Variants in KLF7 observed in about 807,000 individuals in gnomAD.
KLF7 encodes the protein Krueppel-like factor 7.
A neutral mutation model predicts 27.3 loss-of-function variants in KLF7; 2 were observed. The observed-to-expected ratio is 0.07, with a 90% CI of 0.03 to 0.23. The LOEUF (loss-of-function observed/expected upper bound fraction) is 0.23. Among genes scored for constraint, KLF7 ranks in the 10% least tolerant of loss-of-function variants. The pLI, the probability that KLF7 is intolerant of heterozygous loss-of-function variation, is 1.00. For missense variants in KLF7, 221 were observed against 394.1 expected (o/e 0.56, Z 3.72); for synonymous variants, 165 against 162.4 (o/e 1.02, Z -0.12).
chr2:207,172,262 G>A (rs10172302), upstream of KLF7, among the ~76,000 whole-genome samples: 89,019 of 151,950 alleles, frequency 0.59, 27,604 homozygotes, highest in East Asian at 0.87. Flanking sequence ...CCCCTCCCTA[G>A]AGGCCAAAGA....
intron 1 of KLF7, among the ~76,000 whole-genome samples, chr2:207,139,077 C>T (rs1350521970): frequency 6.6e-6 from 1 of 152,168 alleles, no homozygotes; most frequent in Non-Finnish European, 1.5e-5. Context: ...CTTTTGAAAG[C>T]ACGCCCTGAG....
Position 207,074,301 on chromosome 2 carries a change from A to C in KLF7, c.*6912T>G, listed in dbSNP as rs899333879. ...ATGTGTTTTACTGCTGTTTCCTGTG[A>C]ATGACACCACTTCTCTCGGGGAATC... On this transcript the variant is annotated 3_prime_UTR_variant, in exon 4 of 4. Coordinates refer to ENST00000309446, the MANE Select transcript of KLF7 (RefSeq NM_003709.4). The C allele has an allele frequency of 1.3e-5, 2 of 152,038 alleles. No individual in the cohort carries two copies. Among genetic ancestry groups the C allele is most frequent in the Non-Finnish European group, 2.9e-5 (2 of 68,046 alleles). 9.4% of individuals were successfully genotyped at this position (152,038 alleles called of 1,614,324 possible).
Position 207,097,206 on chromosome 2 carries a change from G to A in KLF7, c.734-8625C>T, listed in dbSNP as rs563441678. 3.1e-3 allele frequency among the ~76,000 whole-genome samples: 477 copies of A among 152,064 alleles called. 1 individual carries two copies. The highest frequency in any genetic ancestry group is 0.011 in the African/African-American group (460 of 41,482). On this transcript the variant is annotated intron_variant, in intron 2 of 3. Transcript: ENST00000309446. ...ATAATAGCAATGTGGCCTTGTAAAG[G>A]TATTTAATAACTTCTTTGGGGACTT...
intron 1 of KLF7, among the ~76,000 whole-genome samples, chr2:207,161,943 A>AT: frequency 6.6e-6 from 1 of 152,274 alleles, no homozygotes; most frequent in Admixed American, 6.5e-5. Flanking sequence ...CAGCATTAAC[A>AT]ACAAACATAA....
In KLF7 at chr2:207,148,327, A is replaced by G. The variant is rs2106093912; in HGVS notation, c.102+17140T>C. Among the ~76,000 whole-genome samples the G allele has an allele frequency of 3.3e-5, 5 of 152,318 alleles. No individual in the cohort carries two copies. The Middle Eastern group carries it at 0.01, about 311-fold the overall frequency. On this transcript the variant is annotated intron_variant, in intron 1 of 3. Transcript: ENST00000309446. ...CACTTACTCATGGAAGTCTGGGGCC[A>G]GGGCAAATGGAAGCTGTGAGCTTCA...
chr2:207,134,265 A>G, intron 1 of KLF7: 1 of 663,102 alleles, frequency 1.5e-6, no homozygotes, highest in Non-Finnish European at 2.5e-6. Flanking sequence ...CTACCCCCAT[A>G]AAAAACACAC....
intron 2 of KLF7, among the ~76,000 whole-genome samples, chr2:207,122,394 C>A (rs76521465): frequency 9.7e-4 from 147 of 152,244 alleles, no homozygotes; most frequent in African/African-American, 3.5e-3. Flanking sequence ...AGTCTTCATC[C>A]TCCCATGGGA....
chr2:207,120,865 C>A (rs1370988563), intron 2 of KLF7: 1 of 152,226 alleles, frequency 6.6e-6, no homozygotes, highest in Non-Finnish European at 1.5e-5. Context: ...ATCTACACCA[C>A]ATAAATTATC....
In KLF7 at chr2:207,077,241, T is replaced by C. The variant is rs190421525; in HGVS notation, c.*3972A>G. 6 of 152,356 alleles carry C rather than the reference T, an allele frequency of 3.9e-5. No homozygotes were observed. In the East Asian group the frequency reaches 9.6e-4, roughly 25 times the overall value. The allele number at this position is 152,356 out of a possible 1,614,324, so 9.4% of individuals were successfully genotyped here. A position where few individuals can be genotyped will look rare whatever the true frequency, so the allele number is the denominator to read the frequency against. ...GCAGGAATAAAGGCAAGAGGCAATG[T>C]TCCGAATGCACTGGAAGAGCCATCC... On this transcript the variant is annotated 3_prime_UTR_variant, in exon 4 of 4. Transcript: ENST00000309446.
chr2:207,099,916 G>A (rs753739453), intron 2 of KLF7, among the ~76,000 whole-genome samples: 76 of 152,232 alleles, frequency 5.0e-4, no homozygotes, highest in Non-Finnish European at 1.0e-3. Flanking sequence ...GATCACCTGA[G>A]CCCAGGAGTT....
rs150858032 is a variant in KLF7, at chr2:207,096,976, G to T, written c.734-8395C>A. Among the ~76,000 whole-genome samples the T allele has an allele frequency of 4.9e-3, 752 of 152,242 alleles. 11 individuals are homozygous for T. Among genetic ancestry groups the T allele is most frequent in the African/African-American group, 0.017 (699 of 41,546 alleles). On this transcript the variant is annotated intron_variant, in intron 2 of 3. Coordinates refer to ENST00000309446, the MANE Select transcript of KLF7 (RefSeq NM_003709.4). ...CCCTAAAGGGCTTGTTTAAAACACA[G>T]GTTAGTGAACCCCACCCTGAGAAGT... is the stretch of plus-strand genomic sequence containing the variant.
chr2:207,166,177 G>C (rs1240386778), upstream of KLF7: 4 of 986,106 alleles, frequency 4.1e-6, no homozygotes, highest in African/African-American at 7.0e-5. Context: ...GCGTCCATTA[G>C]GCCGCGTGTG....
rs960045697 is a variant in KLF7, at chr2:207,075,662, G to A, written c.*5551C>T. 6.6e-6 allele frequency: 1 copy of A among 152,110 alleles called. No individual in the cohort carries two copies. Among genetic ancestry groups the A allele is most frequent in the African/African-American group, 2.4e-5 (1 of 41,420 alleles). The allele number at this position is 152,110 out of a possible 1,614,324, so 9.4% of individuals were successfully genotyped here. On this transcript the variant is annotated 3_prime_UTR_variant, in exon 4 of 4. Coordinates refer to ENST00000309446, the MANE Select transcript of KLF7 (RefSeq NM_003709.4). The stretch of plus-strand genomic sequence containing the variant: ...TGTGTGGGAGTAGGAAGTGGGAGAA[G>A]GAGCTTGACGCGGGGGCGGGTGGGG...
At chr2:207,086,051 TA>T (rs58293149) in intron 3 of KLF7, among the ~76,000 whole-genome samples, 25,243 of 144,338 alleles carry the variant, frequency 0.17, 2,794 homozygotes, top group African/African-American at 0.32. Context: ...ATAGGCAAAA[TA>T]AAAGCATACG....
At chr2:207,143,138 C>A in intron 1 of KLF7, among the ~76,000 whole-genome samples, 1 of 151,682 alleles carries the variant, frequency 6.6e-6, no homozygotes, top group East Asian at 1.9e-4. Flanking sequence ...AGGACAAAAC[C>A]CAAAAAGATG....
At chr2:207,128,315 T>C (rs764497100) in intron 1 of KLF7, among the ~76,000 whole-genome samples, 3 of 152,054 alleles carry the variant, frequency 2.0e-5, no homozygotes, top group Non-Finnish European at 4.4e-5. Flanking sequence ...TATAAATAAA[T>C]GACTGAATAA....
At chr2:207,159,750 G>A (rs773767323) in intron 1 of KLF7, among the ~76,000 whole-genome samples, 3 of 152,180 alleles carry the variant, frequency 2.0e-5, no homozygotes, top group Non-Finnish European at 4.4e-5. Flanking sequence ...ACTAGACTCA[G>A]ATCTCAAGGC....
At chr2:207,146,014 G>A (rs1388385487) in intron 1 of KLF7, among the ~76,000 whole-genome samples, 2 of 152,182 alleles carry the variant, frequency 1.3e-5, no homozygotes, top group South Asian at 2.1e-4. Flanking sequence ...TATTATGAAC[G>A]AGTGTGACCA....
intron 2 of KLF7, among the ~76,000 whole-genome samples, chr2:207,105,045 GA>G (rs2105918686): frequency 6.6e-6 from 1 of 152,250 alleles, no homozygotes; most frequent in African/African-American, 2.4e-5. Flanking sequence ...AGTGTGGGTA[GA>G]AAAATTTTTT....
Sources: allele counts gnomAD v4.1 joint callset (sites outside exome capture counted in the v4.1 genomes callset), GRCh38; gene constraint gnomAD v4.1.1; transcripts MANE v1.5; gene names NCBI Gene and HGNC (gene_info 2026-07-23, HGNC 2026-07-21).